Variants in CLPB observed in about 807,000 individuals in gnomAD.
CLPB encodes the protein ClpB family mitochondrial disaggregase.
A neutral mutation model predicts 78.4 loss-of-function variants in CLPB; 40 were observed. The observed-to-expected ratio is 0.51, with a 90% CI of 0.40 to 0.66. The LOEUF (loss-of-function observed/expected upper bound fraction) is 0.66. Among genes scored for constraint, CLPB ranks in the 30% least tolerant of loss-of-function variants. The pLI is 0.00. For missense variants in CLPB, 780 were observed against 886.9 expected, an observed-to-expected ratio of 0.88 and a Z score of 1.53; for synonymous variants, 333 against 348.0, an observed-to-expected ratio of 0.96 and a Z score of 0.48.
chr11:72,381,616 G>A (rs547985714), intron 3 of CLPB, among the ~76,000 whole-genome samples: 16 of 152,272 alleles, frequency 1.1e-4, no homozygotes, highest in African/African-American at 3.9e-4. Flanking sequence ...ACCGGCTGGG[G>A]CATGAATCCA....
At chr11:72,346,014 TAAGG>T (rs1466757163) in intron 5 of CLPB, among the ~76,000 whole-genome samples, 3 of 151,942 alleles carry the variant, frequency 2.0e-5, no homozygotes, top group African/African-American at 7.3e-5. Flanking sequence ...CCATTGTCAC[TAAGG>T]AAGAAGGACA....
At chr11:72,407,982 C>A in intron 2 of CLPB, 1 of 714,706 alleles carries the variant, frequency 1.4e-6, no homozygotes, top group Non-Finnish European at 2.4e-6. Context: ...TAAAGGAAGG[C>A]ACATCATCTG....
At chr11:72,391,432 A>G (rs1855252084) in intron 3 of CLPB, among the ~76,000 whole-genome samples, 1 of 151,906 alleles carries the variant, frequency 6.6e-6, no homozygotes, top group Non-Finnish European at 1.5e-5. Flanking sequence ...GCTTACTTTT[A>G]TTTGCCTTTC....
intron 5 of CLPB, chr11:72,337,173 CAGA>C: frequency 7.5e-6 from 3 of 398,700 alleles, no homozygotes; most frequent in Non-Finnish European, 1.3e-5. Context: ...GCAGGAAGCA[CAGA>C]AGAACTGGGA....
At chr11:72,346,563 GA>G (rs1196087650) in intron 5 of CLPB, among the ~76,000 whole-genome samples, 1 of 148,082 alleles carries the variant, frequency 6.8e-6, no homozygotes, top group Non-Finnish European at 1.5e-5. Context: ...TCATTATGTA[GA>G]AAAATAAGAA....
chr11:72,295,882 G>C (rs1949542915), intron 11 of CLPB, among the ~76,000 whole-genome samples: 1 of 152,230 alleles, frequency 6.6e-6, no homozygotes, highest in Admixed American at 6.5e-5. Flanking sequence ...CTCCAGGTGA[G>C]GCTGCAGTTG....
At chr11:72,337,193 C>G in intron 5 of CLPB, 1 of 398,592 alleles carries the variant, frequency 2.5e-6, no homozygotes, top group Non-Finnish European at 4.4e-6. Context: ...GGGAATAGAG[C>G]TCTGGTCTTC....
intron 2 of CLPB, among the ~76,000 whole-genome samples, chr11:72,426,337 G>A (rs1231455033): frequency 1.3e-5 from 2 of 152,170 alleles, no homozygotes; most frequent in Non-Finnish European, 2.9e-5. Flanking sequence ...CTTGGCCTGA[G>A]CCTGGACAGA....
At chr11:72,432,724 C>T (rs532816833) in intron 1 of CLPB, among the ~76,000 whole-genome samples, 46 of 152,268 alleles carry the variant, frequency 3.0e-4, no homozygotes, top group South Asian at 8.3e-4. Flanking sequence ...ACAGAGGACC[C>T]GTGAGGAGAA....
intron 6 of CLPB, among the ~76,000 whole-genome samples, chr11:72,318,970 C>T (rs1203920729): frequency 6.6e-6 from 1 of 152,216 alleles, no homozygotes; most frequent in Admixed American, 6.5e-5. Context: ...TGCATACATA[C>T]TGGCTGGGAC....
chr11:72,384,759 A>G (rs1437986243), intron 3 of CLPB, among the ~76,000 whole-genome samples: 2 of 152,244 alleles, frequency 1.3e-5, no homozygotes. Flanking sequence ...TTCATATGGA[A>G]TAAAATAGAC....
In CLPB at chr11:72,329,741, T is replaced by G. The variant is rs763049720; in HGVS notation, c.839A>C (p.Glu280Ala). 2.5e-6 allele frequency: 4 copies of G among 1,613,770 alleles called. No homozygotes were observed. Among genetic ancestry groups the G allele is most frequent in the Non-Finnish European group, 3.4e-6 (4 of 1,179,894 alleles). The change falls in exon 6 of 16, where the codon GAA (glutamate) becomes GCA (alanine). Residue 280 changes from glutamate to alanine, a missense_variant. Coordinates refer to ENST00000538039, the MANE Select transcript of CLPB (RefSeq NM_001258392.3). ...HTPLDYAREG[E>A]VMKLLRTSEA... is the part of the protein sequence containing the mutation. ...AGAAGTCCTCAGAAGCTTCATCACT[T>G]CCCCTTCTCGGGCATAATCCAAGGG...
intron 5 of CLPB, among the ~76,000 whole-genome samples, chr11:72,358,154 G>A (rs920706056): frequency 3.9e-5 from 6 of 152,188 alleles, no homozygotes; most frequent in Non-Finnish European, 2.9e-5. Flanking sequence ...CTGAGTCTGG[G>A]GATGGCATGT....
In CLPB at chr11:72,288,849, C is replaced by T. The variant is rs1243498058; in HGVS notation, c.*4518G>A. ...AGTAAAAGATATGGGTCCAACACCA[C>T]CTAGGAGTTCTGGCAGAGAATCTCT... On this transcript the variant is annotated 3_prime_UTR_variant, in exon 16 of 16. Transcript: ENST00000538039. 3 of 152,194 alleles carry T rather than the reference C, an allele frequency of 2.0e-5. No homozygotes were observed. Among genetic ancestry groups the T allele is most frequent in the African/African-American group, 4.8e-5 (2 of 41,432 alleles). The allele number at this position is 152,194 out of a possible 1,614,324, so 9.4% of individuals were successfully genotyped here.
chr11:72,399,103 ACT>A (rs2135070412), intron 3 of CLPB, among the ~76,000 whole-genome samples: 1 of 150,808 alleles, frequency 6.6e-6, no homozygotes, highest in Non-Finnish European at 1.5e-5. Flanking sequence ...TAAAGATATA[ACT>A]CTCTGTATCC....
chr11:72,395,165 T>C (rs1188339741), intron 3 of CLPB, among the ~76,000 whole-genome samples: 3 of 152,220 alleles, frequency 2.0e-5, no homozygotes, highest in African/African-American at 7.2e-5. Flanking sequence ...ACTGAACACA[T>C]TCTGCCTCAT....
chr11:72,407,991 T>C, intron 2 of CLPB: 1 of 761,544 alleles, frequency 1.3e-6, no homozygotes, highest in East Asian at 2.7e-5. Context: ...GCACATCATC[T>C]GGCTAAGCTT....
intron 7 of CLPB, among the ~76,000 whole-genome samples, chr11:72,310,574 T>C (rs937105893): frequency 2.0e-5 from 3 of 152,182 alleles, no homozygotes; most frequent in African/African-American, 7.2e-5. Context: ...CGGCAAAGGC[T>C]AGACTTGTGA....
Position 72,312,060 on chromosome 11 carries a change from A to T in CLPB, c.989-3456T>A, listed in dbSNP as rs1949857718. Among the ~76,000 whole-genome samples the T allele has an allele frequency of 6.6e-6, 1 of 152,166 alleles. No homozygotes were observed. Among genetic ancestry groups the T allele is most frequent in the Admixed American group, 6.5e-5 (1 of 15,272 alleles). On this transcript the variant is annotated intron_variant, in intron 7 of 15. Transcript: ENST00000538039. The surrounding 1 kb of genome is among the most constrained non-coding windows in gnomAD (Gnocchi z 4.2). ...TAGTGGAGAGGGCAGGAGTTACAGGATCTAGCATGGAGTCCCGCCTCTGTC... is the reference window on the plus strand; with the variant it reads ...TAGTGGAGAGGGCAGGAGTTACAGGTTCTAGCATGGAGTCCCGCCTCTGTC...
Sources: gnomAD v4.1 joint callset for allele counts (sites outside exome capture counted in the v4.1 genomes callset) on GRCh38, gnomAD v4.1.1 for gene constraint, Gnocchi (gnomAD v3.1) non-coding constraint, MANE v1.5 for transcripts, NCBI Gene and HGNC (gene_info 2026-07-23, HGNC 2026-07-21) for gene names.